The following CEP152 variants were observed in gnomAD, a reference collection of about 807,000 sequenced individuals.
CEP152 encodes the protein centrosomal protein of 152 kDa.
A neutral mutation model predicts 188.9 loss-of-function variants in CEP152; 132 were observed. The ratio of observed to expected loss-of-function variants is 0.70; its 90% confidence interval spans 0.61 to 0.81. CEP152 has a LOEUF of 0.81. Ranked by LOEUF, CEP152 falls within the 30% of genes least tolerant of loss-of-function variation. The pLI is 0.00. For missense variants in CEP152, 1,914 were observed against 1,969.8 expected (o/e 0.97, Z 0.54); for synonymous variants, 649 against 666.6 (o/e 0.97, Z 0.41).
chr15:48,788,082 C>T (rs1896771024), intron 9 of CEP152, among the ~76,000 whole-genome samples: 1 of 152,176 alleles, frequency 6.6e-6, no homozygotes, highest in African/African-American at 2.4e-5. Context: ...TGCTGGGAGA[C>T]TCAAGTAAGG....
chr15:48,778,708 G>A (rs1896069522), intron 12 of CEP152, among the ~76,000 whole-genome samples: 1 of 152,124 alleles, frequency 6.6e-6, no homozygotes, highest in Non-Finnish European at 1.5e-5. Flanking sequence ...CCAGCACTTT[G>A]GGAGGCCGAG....
At chr15:48,755,016 G>A (rs1161226810) in intron 20 of CEP152, among the ~76,000 whole-genome samples, 1 of 146,392 alleles carries the variant, frequency 6.8e-6, no homozygotes, top group Admixed American at 7.0e-5. Flanking sequence ...TATAATACTG[G>A]CTTTTTTTTT....
chr15:48,789,988 C>G (rs902995853), intron 8 of CEP152, among the ~76,000 whole-genome samples: 2 of 152,172 alleles, frequency 1.3e-5, no homozygotes, highest in Admixed American at 1.3e-4. Context: ...CTGCTGCTTA[C>G]ATAAAAAAGA....
At chr15:48,809,084 C>T (rs556844604) in intron 1 of CEP152, among the ~76,000 whole-genome samples, 2 of 152,122 alleles carry the variant, frequency 1.3e-5, no homozygotes, top group Non-Finnish European at 2.9e-5. Flanking sequence ...GCAACAAAAG[C>T]AATGGGTATT....
intron 5 of CEP152, 115 bp downstream of exon 5, chr15:48,797,186 C>G: frequency 8.2e-7 from 1 of 1,212,284 alleles, no homozygotes; most frequent in Non-Finnish European, 1.2e-6. Context: ...CTCAGAACTT[C>G]GTGTGGTTAA....
At chr15:48,777,011 G>A (rs1207473378) in intron 12 of CEP152, among the ~76,000 whole-genome samples, 1 of 151,970 alleles carries the variant, frequency 6.6e-6, no homozygotes, top group African/African-American at 2.4e-5. Context: ...TAAGAAAAAC[G>A]TCATATTCCA....
chr15:48,793,236 C>A, intron 7 of CEP152, 85 bp downstream of exon 7: 1 of 1,536,334 alleles, frequency 6.5e-7, no homozygotes, highest in Non-Finnish European at 9.0e-7. Flanking sequence ...TTTTTACTCT[C>A]TAAGCTTCGT....
chr15:48,807,668 C>T (rs966952733), intron 1 of CEP152, among the ~76,000 whole-genome samples: 2 of 152,022 alleles, frequency 1.3e-5, no homozygotes, highest in African/African-American at 4.8e-5. Flanking sequence ...TGTCTTCTAC[C>T]TTTCTTTCAT....
At chr15:48,735,629 GGAGGCT>G (rs536873679), downstream of CEP152, among the ~76,000 whole-genome samples, 178 of 152,306 alleles carry the variant, frequency 1.2e-3, no homozygotes, top group Admixed American at 2.2e-3. Flanking sequence ...CAGCTACTCG[GGAGGCT>G]GAGGCAGGAG....
intron 19 of CEP152, among the ~76,000 whole-genome samples, chr15:48,757,239 T>C (rs1002253773): frequency 5.3e-5 from 8 of 152,196 alleles, no homozygotes; most frequent in African/African-American, 1.9e-4. Flanking sequence ...GGAGACAAAC[T>C]GCTGGAATTA....
chr15:48,739,099 T>C lies in CEP152; in HGVS notation c.4283A>G (p.His1428Arg). 6.2e-7 allele frequency: 1 copy of C among 1,614,236 alleles called. No homozygotes were observed. Among genetic ancestry groups the C allele is most frequent in the Admixed American group, 1.7e-5 (1 of 60,030 alleles). Residue 1428 changes from histidine (H) to arginine (R), a missense_variant, in exon 27 of 27, where the codon CAT becomes CGT. His to Arg is a conservative substitution (Grantham distance 29, BLOSUM62 0). Coordinates refer to ENST00000380950, the MANE Select transcript of CEP152 (RefSeq NM_001194998.2). ...NLQRLLENSE[H>R]QSIKHVGSKE... ...GGATCCCACATGCTTTATGCTCTGA[T>C]GCTCTGAGTTCTCTAACAGCCTTTG... is the stretch of plus-strand genomic sequence containing the variant.
At chr15:48,761,410 A>T (rs1872190006) in intron 18 of CEP152, among the ~76,000 whole-genome samples, 2 of 152,238 alleles carry the variant, frequency 1.3e-5, no homozygotes, top group Non-Finnish European at 1.5e-5. Context: ...AAGTAATAAA[A>T]TTAAAATAAC....
intron 24 of CEP152, among the ~76,000 whole-genome samples, chr15:48,742,847 T>C (rs1339285232): frequency 3.9e-5 from 6 of 151,974 alleles, no homozygotes; most frequent in Non-Finnish European, 8.8e-5. Flanking sequence ...ACATCCTACA[T>C]CTAGAATTTC....
At chr15:48,730,444 G>A (rs926126026) in intron 2 of CEP152, among the ~76,000 whole-genome samples, 1 of 152,128 alleles carries the variant, frequency 6.6e-6, no homozygotes, top group African/African-American at 2.4e-5. Flanking sequence ...TAAGCTCTCC[G>A]CATATCTCTG....
intron 2 of CEP152, among the ~76,000 whole-genome samples, chr15:48,802,684 T>C (rs1471796132): frequency 6.6e-6 from 1 of 152,222 alleles, no homozygotes; most frequent in African/African-American, 2.4e-5. Flanking sequence ...TGAGATCCAC[T>C]GGTCTAAATA....
rs772798820 is a variant in CEP152 at position 48,781,184 on chromosome 15, T to C, written c.1577+12A>G. On this transcript the variant is annotated intron_variant, in intron 12 of 26. Coordinates refer to ENST00000380950, the MANE Select transcript of CEP152 (RefSeq NM_001194998.2). Reference sequence around the variant, plus strand: ...GGTTCTTCTACAGTAAACTAAAATATTCTTTCCATACCTGGTAACTTTGGA... The same window carrying C: ...GGTTCTTCTACAGTAAACTAAAATACTCTTTCCATACCTGGTAACTTTGGA... 7.4e-6 allele frequency: 12 copies of C among 1,612,010 alleles called. No homozygotes were observed. In the South Asian group the frequency reaches 1.3e-4, roughly 18 times the overall value.
rs183111701 is a variant in CEP152, at chr15:48,744,705, T to C, written c.3731+191A>G. ...AAACACATTGTGCATGTGGAGTATG[T>C]GTAGAAAGAGGCTTAAATGATATAA... On this transcript the variant is annotated intron_variant, in intron 23 of 26. Coordinates refer to ENST00000380950, the MANE Select transcript of CEP152 (RefSeq NM_001194998.2). Among the ~76,000 whole-genome samples the C allele has an allele frequency of 2.5e-3, 383 of 152,296 alleles. 1 individual carries two copies. Among genetic ancestry groups the C allele is most frequent in the African/African-American group, 8.7e-3 (363 of 41,580 alleles).
Position 48,767,121 on chromosome 15 carries a change from T to G in CEP152, c.2219A>C (p.Lys740Thr). ...CCTGAGAGTCAATTCTAGATTATCC[T>G]TCTCTCTGCACACTTCTAGGTAACA... is the stretch of plus-strand genomic sequence containing the variant. ...QECYLEVCREKDNLELTLRKT... is the reference protein window; with the variant it reads ...QECYLEVCRETDNLELTLRKT... Residue 740 changes from lysine (K) to threonine (T), a missense_variant, in exon 17 of 27, where the codon AAG becomes ACG. Transcript: ENST00000380950. The G allele has an allele frequency of 6.2e-7, 1 of 1,613,698 alleles. No homozygotes were observed. The highest frequency in any genetic ancestry group is 1.3e-5 in the African/African-American group (1 of 75,044).
chr15:48,777,730 T>C (rs898524796), intron 12 of CEP152, among the ~76,000 whole-genome samples: 3 of 152,176 alleles, frequency 2.0e-5, no homozygotes, highest in African/African-American at 7.2e-5. Flanking sequence ...TATAACTTCC[T>C]GTGCCATAAG....
Sources: gnomAD v4.1 joint callset for allele counts (sites outside exome capture counted in the v4.1 genomes callset) on GRCh38, gnomAD v4.1.1 for gene constraint, MANE v1.5 for transcripts, NCBI Gene and HGNC (gene_info 2026-07-23, HGNC 2026-07-21) for gene names.